The following MIPEP variants were observed in gnomAD, a reference collection of about 807,000 sequenced individuals.
The protein encoded by MIPEP is mitochondrial intermediate peptidase.
A neutral mutation model predicts 90.3 loss-of-function variants in MIPEP; 79 were observed. That is an observed-to-expected ratio of 0.87 (90% CI 0.73 to 1.05). MIPEP has a LOEUF of 1.05. MIPEP is among the 50% of genes least tolerant of loss of function. The pLI is 0.00. For synonymous variants in MIPEP, 334 were observed against 315.8 expected, an observed-to-expected ratio of 1.06 and a Z score of -0.61; for missense variants, 940 against 905.6, an observed-to-expected ratio of 1.04 and a Z score of -0.49.
At chr13:23,831,930 C>T (rs1188061507) in intron 14 of MIPEP, among the ~76,000 whole-genome samples, 1 of 152,124 alleles carries the variant, frequency 6.6e-6, no homozygotes. Flanking sequence ...TTCCTTGAAT[C>T]TAAGAACCCA....
At chr13:23,802,282 C>T (rs1953052557) in intron 16 of MIPEP, among the ~76,000 whole-genome samples, 1 of 152,088 alleles carries the variant, frequency 6.6e-6, no homozygotes, top group African/African-American at 2.4e-5. Context: ...AAAAATATAA[C>T]CTTTTCCAAT....
chr13:23,884,225 G>C (rs1330745073), intron 2 of MIPEP, among the ~76,000 whole-genome samples: 9 of 150,368 alleles, frequency 6.0e-5, no homozygotes, highest in Non-Finnish European at 7.4e-5. Flanking sequence ...TGGGGAGGGG[G>C]GGGTGTGACT....
chr13:23,747,527 G>A (rs754536481), intron 18 of MIPEP: 1 of 510,300 alleles, frequency 2.0e-6, no homozygotes, highest in Admixed American at 2.0e-5. Flanking sequence ...CACCGTGACA[G>A]GAAGGAGGAA....
intron 18 of MIPEP, among the ~76,000 whole-genome samples, chr13:23,741,635 C>T (rs547166663): frequency 1.3e-5 from 2 of 151,918 alleles, no homozygotes; most frequent in South Asian, 4.2e-4. Flanking sequence ...CACATGGACA[C>T]AGAGGGGAAC....
At chr13:23,800,365 G>C (rs1357681579) in intron 16 of MIPEP, among the ~76,000 whole-genome samples, 1 of 152,076 alleles carries the variant, frequency 6.6e-6, no homozygotes, top group Non-Finnish European at 1.5e-5. Context: ...AAATAGGAGA[G>C]ATACACAATC....
At chr13:23,806,531 A>ATC (rs1458258071) in intron 15 of MIPEP, among the ~76,000 whole-genome samples, 1 of 152,140 alleles carries the variant, frequency 6.6e-6, no homozygotes. Context: ...CAAAAAAATT[A>ATC]GACAGGCGTG....
intron 2 of MIPEP, among the ~76,000 whole-genome samples, chr13:23,885,685 TA>T (rs985552322): frequency 3.0e-4 from 43 of 144,258 alleles, no homozygotes; most frequent in South Asian, 6.6e-4. Flanking sequence ...TTTAAAATGT[TA>T]AAAAAAAAAA....
chr13:23,796,111 AAAG>A (rs1952957588), intron 16 of MIPEP, among the ~76,000 whole-genome samples: 2 of 152,164 alleles, frequency 1.3e-5, no homozygotes, highest in Admixed American at 1.3e-4. Context: ...TATATCGAAC[AAAG>A]AAGCTCTTAA....
chr13:23,833,680 TA>T (rs1392587659), intron 14 of MIPEP, among the ~76,000 whole-genome samples: 1 of 152,112 alleles, frequency 6.6e-6, no homozygotes, highest in South Asian at 2.1e-4. Flanking sequence ...GATGGCAATT[TA>T]AAAAAAATTG....
At chr13:23,885,086 A>G (rs183151277) in intron 2 of MIPEP, among the ~76,000 whole-genome samples, 112 of 152,346 alleles carry the variant, frequency 7.4e-4, no homozygotes, top group African/African-American at 2.6e-3. Flanking sequence ...TAAAGAAAGT[A>G]TGGTACTTAC....
intron 14 of MIPEP, among the ~76,000 whole-genome samples, chr13:23,813,274 G>A (rs1412405996): frequency 1.3e-5 from 2 of 152,060 alleles, no homozygotes; most frequent in African/African-American, 4.8e-5. Context: ...TGCCAATCGC[G>A]GCCATGATAA....
chr13:23,824,519 A>C (rs1249076211), intron 14 of MIPEP, among the ~76,000 whole-genome samples: 4 of 152,206 alleles, frequency 2.6e-5, no homozygotes, highest in African/African-American at 9.7e-5. Flanking sequence ...AAAACAAGAA[A>C]ATACTTCAGC....
chr13:23,755,000 C>T (rs1393351612), intron 18 of MIPEP, among the ~76,000 whole-genome samples: 1 of 152,194 alleles, frequency 6.6e-6, no homozygotes, highest in Non-Finnish European at 1.5e-5. Flanking sequence ...TGCCTTGTTA[C>T]ATAAGCAGAG....
chr13:23,836,371 A>G lies in MIPEP; in HGVS notation c.1544-22T>C, dbSNP rs556245368. The G allele has an allele frequency of 2.1e-3, 2,984 of 1,414,978 alleles. 5 individuals are homozygous for G. The highest frequency in any genetic ancestry group is 3.3e-3 in the Admixed American group (142 of 43,208). The allele number at this position is 1,414,978 out of a possible 1,614,324, so 87.7% of individuals were successfully genotyped here. ...GTCCCTAAAACAAGAAAAAAAAAAA[A>G]GTTGGCATGAATCAAATCAATATAT... On this transcript the variant is annotated intron_variant, in intron 13 of 18. Coordinates refer to ENST00000382172, the MANE Select transcript of MIPEP (RefSeq NM_005932.4).
chr13:23,858,744 A>T, intron 10 of MIPEP, 116 bp downstream of exon 10: 1 of 808,884 alleles, frequency 1.2e-6, no homozygotes, highest in Non-Finnish European at 2.1e-6. Flanking sequence ...CAGCAGAAAG[A>T]ATGGTGTCAG....
At chr13:23,772,284 T>C (rs1952661326) in intron 16 of MIPEP, among the ~76,000 whole-genome samples, 1 of 150,382 alleles carries the variant, frequency 6.6e-6, no homozygotes, top group Admixed American at 6.8e-5. Context: ...ATTTCCAAAA[T>C]TCCTGATGCA....
intron 18 of MIPEP, among the ~76,000 whole-genome samples, chr13:23,733,739 A>C (rs1952230105): frequency 6.6e-6 from 1 of 152,242 alleles, no homozygotes; most frequent in Non-Finnish European, 1.5e-5. Flanking sequence ...ATATTGTTAC[A>C]GTTTCAACTG....
chr13:23,808,009 G>T (rs17338049), intron 15 of MIPEP, among the ~76,000 whole-genome samples: 1 of 151,880 alleles, frequency 6.6e-6, no homozygotes, highest in Non-Finnish European at 1.5e-5. Context: ...GCATTCCTGG[G>T]GCCAAGAAAC....
At chr13:23,839,836 T>G (rs1315386198) in intron 11 of MIPEP, 110 bp from the exon 12 acceptor site, 3 of 647,344 alleles carry the variant, frequency 4.6e-6, no homozygotes, top group Non-Finnish European at 5.2e-6. Flanking sequence ...ATAGACATTT[T>G]AATTACATTC....
Sources: gnomAD v4.1 joint callset for allele counts (sites outside exome capture counted in the v4.1 genomes callset) on GRCh38, gnomAD v4.1.1 for gene constraint, MANE v1.5 for transcripts, NCBI Gene and HGNC (gene_info 2026-07-23, HGNC 2026-07-21) for gene names.